The following DDX59 variants were observed in gnomAD, a reference collection of about 807,000 sequenced individuals.
DDX59 encodes the protein probable ATP-dependent RNA helicase DDX59.
Under a neutral mutation model 51.9 loss-of-function variants are expected in DDX59, and 30 were observed. That is an observed-to-expected ratio of 0.58 (90% CI 0.43 to 0.78). DDX59 has a LOEUF of 0.78. Ranked by LOEUF, DDX59 falls within the 30% of genes least tolerant of loss-of-function variation. The pLI, the probability that DDX59 is intolerant of heterozygous loss-of-function variation, is 0.00. For synonymous variants in DDX59, 255 were observed against 253.3 expected (o/e 1.01, Z -0.06); for missense variants, 672 against 730.8 (o/e 0.92, Z 0.93).
Position 200,646,955 on chromosome 1 carries a change from AC to A in DDX59, c.1596+1483del, listed in dbSNP as rs554370272. 3.5e-3 allele frequency among the ~76,000 whole-genome samples: 535 copies of A among 152,342 alleles called. 3 individuals are homozygous for A. The highest frequency in any genetic ancestry group is 0.012 in the African/African-American group (498 of 41,576). On this transcript the variant is annotated intron_variant, in intron 7 of 7. Transcript: ENST00000331314. ...CCGATACGTTCTATGATATGGATGA[AC>A]CTTAAAAACATTATGCTAAGTAAAA...
intron 7 of DDX59, among the ~76,000 whole-genome samples, chr1:200,647,430 A>G (rs1661358043): frequency 6.6e-6 from 1 of 152,232 alleles, no homozygotes; most frequent in Non-Finnish European, 1.5e-5. Context: ...ATATCAACTT[A>G]AAACGATCTT....
chr1:200,648,363 C>T, intron 7 of DDX59, 76 bp downstream of exon 7: 1 of 1,586,000 alleles, frequency 6.3e-7, no homozygotes, highest in Non-Finnish European at 8.6e-7. Flanking sequence ...CTTTCTTAAA[C>T]TTGGTTATCA....
intron 1 of DDX59, among the ~76,000 whole-genome samples, chr1:200,667,112 A>T (rs1010552974): frequency 6.6e-6 from 1 of 150,668 alleles, no homozygotes; most frequent in African/African-American, 2.5e-5. Context: ...TCTCAAAAAA[A>T]TTTTTAAAAA....
At chr1:200,650,277 C>A in intron 5 of DDX59, 148 bp downstream of exon 5, 1 of 817,548 alleles carries the variant, frequency 1.2e-6, no homozygotes, top group South Asian at 2.6e-5. Context: ...TTATTTGATT[C>A]TCATAGAATT....
At chr1:200,653,474 A>G (rs987673859) in intron 4 of DDX59, among the ~76,000 whole-genome samples, 1 of 152,104 alleles carries the variant, frequency 6.6e-6, no homozygotes, top group African/African-American at 2.4e-5. Context: ...TATTTGCAAG[A>G]CTGCTCGCAA....
intron 1 of DDX59, among the ~76,000 whole-genome samples, chr1:200,668,012 G>C (rs1404653221): frequency 6.6e-6 from 1 of 152,096 alleles, no homozygotes; most frequent in Non-Finnish European, 1.5e-5. Flanking sequence ...AAATTAAGTG[G>C]TTTGGGCTGG....
Position 200,650,356 on chromosome 1 carries a change from C to A in DDX59, c.1314+69G>T, listed in dbSNP as rs1661576471. On this transcript the variant is annotated intron_variant, in intron 5 of 7. Coordinates refer to ENST00000331314, the MANE Select transcript of DDX59 (RefSeq NM_001031725.6). ...TTCCCTGAAAGTTCAATCTCAAAAT[C>A]ATTCTCTTAAGAGCTGTGAAAAATG... 2.7e-6 allele frequency: 4 copies of A among 1,457,594 alleles called. No homozygotes were observed. The African/African-American group carries it at 4.3e-5, about 16-fold the overall frequency. 90.3% of individuals were successfully genotyped at this position (1,457,594 alleles called of 1,614,324 possible).
intron 4 of DDX59, among the ~76,000 whole-genome samples, chr1:200,651,963 G>A (rs1331783242): frequency 1.1e-4 from 16 of 146,960 alleles, no homozygotes; most frequent in African/African-American, 2.3e-4. Flanking sequence ...AGCCGAGATC[G>A]TGCCAGTGCA....
intron 1 of DDX59, among the ~76,000 whole-genome samples, chr1:200,667,573 C>T (rs1245408160): frequency 6.6e-6 from 1 of 152,176 alleles, no homozygotes; most frequent in African/African-American, 2.4e-5. Context: ...TTTCCGTTTA[C>T]TGATTATTTG....
downstream of DDX59, among the ~76,000 whole-genome samples, chr1:200,642,394 GT>G (rs1329283206): frequency 6.6e-6 from 1 of 152,098 alleles, no homozygotes; most frequent in East Asian, 1.9e-4. Context: ...AGTACTACAT[GT>G]TTTTTCTTTC....
intron 2 of DDX59, 69 bp from the exon 3 acceptor site, chr1:200,664,155 C>A: frequency 6.6e-7 from 1 of 1,517,230 alleles, no homozygotes. Context: ...ACTAAATCTT[C>A]ACAAGGATTC....
chr1:200,668,318 AAAAAG>A (rs1260664028), intron 1 of DDX59, among the ~76,000 whole-genome samples: 1 of 152,018 alleles, frequency 6.6e-6, no homozygotes, highest in African/African-American at 2.4e-5. Flanking sequence ...AAAAAAAAAA[AAAAAG>A]AAAAGAAATT....
chr1:200,654,892 T>C (rs1039614105), intron 4 of DDX59: 5 of 152,282 alleles, frequency 3.3e-5, no homozygotes, highest in African/African-American at 9.6e-5. Flanking sequence ...TCCTCTCTGG[T>C]GTCTCAAGCA....
intron 3 of DDX59, among the ~76,000 whole-genome samples, chr1:200,660,586 T>TA (rs141114821): frequency 0.017 from 2,591 of 152,142 alleles, 77 homozygotes; most frequent in African/African-American, 0.058. Flanking sequence ...GTCAAATAAA[T>TA]AAACAAATAC....
At chr1:200,659,152 G>T (rs1181148911) in intron 3 of DDX59, 36 bp from the exon 4 acceptor site, 1 of 1,491,042 alleles carries the variant, frequency 6.7e-7, no homozygotes, top group Non-Finnish European at 9.3e-7. Flanking sequence ...AAAAAAATCA[G>T]TAATAGCTAT....
Position 200,650,369 on chromosome 1 carries a change from G to A in DDX59, c.1314+56C>T. 6 of 1,534,432 alleles carry A rather than the reference G, an allele frequency of 3.9e-6. No homozygotes were observed. The African/African-American group carries it at 4.1e-5, about 11-fold the overall frequency. ...CAATCTCAAAATCATTCTCTTAAGA[G>A]CTGTGAAAAATGCAAACACAATCCA... On this transcript the variant is annotated intron_variant, in intron 5 of 7. Coordinates refer to ENST00000331314, the MANE Select transcript of DDX59 (RefSeq NM_001031725.6).
chr1:200,651,341 C>CG (rs1456904371), intron 4 of DDX59, among the ~76,000 whole-genome samples: 1 of 152,022 alleles, frequency 6.6e-6, no homozygotes, highest in African/African-American at 2.4e-5. Context: ...CCACAATGTA[C>CG]GGGTAATAAG....
Position 200,666,296 on chromosome 1 carries a change from T to C in DDX59, c.445A>G (p.Ser149Gly), listed in dbSNP as rs775336265. ...TCAGAATCAGCCTTCTGTGGATTGC[T>C]GAGTTTTGATTTCTCTTCCTTTTCC... ...VKEKEEKSKL[S>G]NPQKADSEPE... is the part of the protein sequence containing the mutation. Residue 149 changes from serine to glycine, a missense_variant, in exon 2 of 8, where the codon AGC (serine) becomes GGC (glycine). Transcript: ENST00000331314. The C allele has an allele frequency of 1.2e-6, 2 of 1,614,244 alleles. No individual in the cohort carries two copies. The highest frequency in any genetic ancestry group is 4.5e-5 in the East Asian group (2 of 44,894).
chr1:200,655,368 T>C (rs12140579), intron 4 of DDX59, among the ~76,000 whole-genome samples: 62,995 of 134,144 alleles, frequency 0.47, 13,244 homozygotes, highest in Non-Finnish European at 0.51. Flanking sequence ...TGTGACCCCT[T>C]ACCCCTGTCT....
Sources: allele counts gnomAD v4.1 joint callset (sites outside exome capture counted in the v4.1 genomes callset), GRCh38; gene constraint gnomAD v4.1.1; transcripts MANE v1.5; gene names NCBI Gene and HGNC (gene_info 2026-07-23, HGNC 2026-07-21).